LRP1B: variants seen among roughly 807,000 people sequenced by gnomAD.
LRP1B encodes the protein low-density lipoprotein receptor-related protein 1B.
LRP1B carries 217 observed loss-of-function variants against 556.6 expected under a neutral mutation model. The observed-to-expected ratio is 0.39, with a 90% CI of 0.35 to 0.44. LRP1B has a LOEUF of 0.44. Among genes scored for constraint, LRP1B ranks in the 20% least tolerant of loss-of-function variants. LRP1B has a pLI of 1.00. For missense variants in LRP1B, 5,053 were observed against 5,620.8 expected (o/e 0.90, Z 3.23); for synonymous variants, 2,047 against 1,865.8 (o/e 1.10, Z -2.50).
intron 31 of LRP1B, among the ~76,000 whole-genome samples, chr2:140,820,287 A>AT (rs1691282193): frequency 6.6e-6 from 1 of 152,084 alleles, no homozygotes; most frequent in African/African-American, 2.4e-5. Flanking sequence ...GCCTACATTA[A>AT]TTTTTTTAAA....
intron 29 of LRP1B, among the ~76,000 whole-genome samples, chr2:140,845,736 A>T (rs1477842599): frequency 1.3e-5 from 2 of 152,154 alleles, no homozygotes; most frequent in African/African-American, 4.8e-5. Context: ...GATATTAAAA[A>T]ATATAATATA....
chr2:141,477,282 A>G (rs1682748330), intron 3 of LRP1B, among the ~76,000 whole-genome samples: 1 of 148,940 alleles, frequency 6.7e-6, no homozygotes, highest in Admixed American at 6.8e-5. Flanking sequence ...TAACCGAGTT[A>G]GACAGAATTG....
intron 20 of LRP1B, among the ~76,000 whole-genome samples, chr2:140,932,026 A>C (rs1399892873): frequency 6.6e-6 from 1 of 152,168 alleles, no homozygotes; most frequent in African/African-American, 2.4e-5. Context: ...AATATTTTCT[A>C]GGAAAAAACT....
intron 41 of LRP1B, among the ~76,000 whole-genome samples, chr2:140,680,384 C>T (rs544270099): frequency 6.6e-6 from 1 of 151,874 alleles, no homozygotes; most frequent in South Asian, 2.1e-4. Flanking sequence ...GTCTGCATCT[C>T]GTTATTGGAC....
At chr2:141,571,824 GATATC>G (rs1231030228) in intron 2 of LRP1B, among the ~76,000 whole-genome samples, 1 of 152,018 alleles carries the variant, frequency 6.6e-6, no homozygotes, top group Non-Finnish European at 1.5e-5. Flanking sequence ...CAGAAAAAAA[GATATC>G]ATAGCCTGAA....
intron 1 of LRP1B, among the ~76,000 whole-genome samples, chr2:142,115,056 A>C (rs1010862118): frequency 7.9e-5 from 12 of 152,128 alleles, no homozygotes; most frequent in African/African-American, 2.9e-4. Context: ...AGAAATACAT[A>C]AGGTAATGAG....
At chr2:141,126,700 T>G (rs1041878840) in intron 7 of LRP1B, among the ~76,000 whole-genome samples, 4 of 152,126 alleles carry the variant, frequency 2.6e-5, no homozygotes, top group Non-Finnish European at 5.9e-5. Context: ...ACTCTTATGG[T>G]TACAATCAAA....
At chr2:141,975,896 A>G (rs543769319) in intron 1 of LRP1B, among the ~76,000 whole-genome samples, 6 of 152,188 alleles carry the variant, frequency 3.9e-5, no homozygotes, top group Non-Finnish European at 8.8e-5. Context: ...GAGTCAGGAT[A>G]TAATGCAATC....
chr2:140,652,031 CA>C (rs974911206), intron 41 of LRP1B, among the ~76,000 whole-genome samples: 5 of 148,810 alleles, frequency 3.4e-5, no homozygotes, highest in Non-Finnish European at 6.0e-5. Context: ...GTTCATAGAA[CA>C]AAAAAAATGT....
intron 1 of LRP1B, among the ~76,000 whole-genome samples, chr2:141,986,984 C>G (rs1254543381): frequency 6.6e-6 from 1 of 151,916 alleles, no homozygotes; most frequent in Non-Finnish European, 1.5e-5. Context: ...AACCCTTTGT[C>G]TTTCTATTTC....
At chr2:140,269,845 G>A (rs979491233) in intron 86 of LRP1B, among the ~76,000 whole-genome samples, 2 of 151,736 alleles carry the variant, frequency 1.3e-5, no homozygotes, top group Non-Finnish European at 2.9e-5. Context: ...ACATCAACTA[G>A]CATTATACAT....
chr2:141,015,752 A>G lies in LRP1B; in HGVS notation c.2134T>C (p.Cys712Arg). The G allele has an allele frequency of 6.2e-7, 1 of 1,613,456 alleles. No homozygotes were observed. Among genetic ancestry groups the G allele is most frequent in the Non-Finnish European group, 8.5e-7 (1 of 1,179,706 alleles). The change falls in exon 13 of 91, where the codon TGT (cysteine) becomes CGT (arginine). Residue 712 changes from cysteine to arginine, a missense_variant. Coordinates refer to ENST00000389484, the MANE Select transcript of LRP1B (RefSeq NM_018557.3). ...TCAATATGATCGTAATAGGCATCAC[A>G]CCAGTATAATGTGTTGGTGTGAAAG... ...LDFHTNTLYW[C>R]DAYYDHIEKV...
intron 3 of LRP1B, among the ~76,000 whole-genome samples, chr2:141,367,139 T>C (rs1286533175): frequency 6.6e-6 from 1 of 152,216 alleles, no homozygotes; most frequent in African/African-American, 2.4e-5. Context: ...AGAAGGCTAC[T>C]ATTGGGGACA....
At chr2:142,085,580 A>G (rs1392888233) in intron 1 of LRP1B, among the ~76,000 whole-genome samples, 1 of 152,186 alleles carries the variant, frequency 6.6e-6, no homozygotes, top group African/African-American at 2.4e-5. Flanking sequence ...ATGAATTTAC[A>G]TATTTCCATT....
intron 7 of LRP1B, among the ~76,000 whole-genome samples, chr2:141,158,108 G>A (rs371146180): frequency 6.6e-6 from 1 of 152,092 alleles, no homozygotes; most frequent in African/African-American, 2.4e-5. Flanking sequence ...AGGAAGGATT[G>A]CAGTTTGAAT....
At chr2:140,356,562 T>A in intron 74 of LRP1B, 86 bp from the exon 75 acceptor site, 1 of 894,940 alleles carries the variant, frequency 1.1e-6, no homozygotes, top group South Asian at 1.6e-5. Flanking sequence ...TGAAATGGTA[T>A]TTATTATTCC....
At chr2:140,708,562 A>G (rs12470650) in intron 37 of LRP1B, among the ~76,000 whole-genome samples, 1,887 of 140,792 alleles carry the variant, frequency 0.013, 80 homozygotes, top group Admixed American at 0.079. Context: ...ATATTACACC[A>G]TGTTATAGTT....
chr2:141,378,277 T>G (rs112723645), intron 3 of LRP1B, among the ~76,000 whole-genome samples: 1 of 152,174 alleles, frequency 6.6e-6, no homozygotes, highest in East Asian at 1.9e-4. Flanking sequence ...CTGAAGAACA[T>G]TGAACATTTT....
chr2:141,435,678 C>A (rs1559069310), intron 3 of LRP1B, among the ~76,000 whole-genome samples: 1 of 152,170 alleles, frequency 6.6e-6, no homozygotes, highest in Admixed American at 6.5e-5. Flanking sequence ...GTAGCTTACC[C>A]TGGTCTTTTT....
Sources: gnomAD v4.1 joint callset for allele counts (sites outside exome capture counted in the v4.1 genomes callset) on GRCh38, gnomAD v4.1.1 for gene constraint, MANE v1.5 for transcripts, NCBI Gene and HGNC (gene_info 2026-07-23, HGNC 2026-07-21) for gene names.